Variants in MAGI1 observed in about 807,000 individuals in gnomAD.
MAGI1 encodes membrane-associated guanylate kinase, WW and PDZ domain-containing protein 1.
A neutral mutation model predicts 139.9 loss-of-function variants in MAGI1; 58 were observed. The observed-to-expected ratio is 0.41, with a 90% CI of 0.34 to 0.52. The LOEUF is 0.52. Among genes scored for constraint, MAGI1 ranks in the 20% least tolerant of loss-of-function variants. The probability of loss-of-function intolerance (pLI) is 0.12; values close to 1 mark genes in which losing one functional copy is unlikely to be tolerated. For missense variants in MAGI1, 1,874 were observed against 1,901.6 expected, an observed-to-expected ratio of 0.99 and a Z score of 0.27; for synonymous variants, 812 against 737.9, an observed-to-expected ratio of 1.10 and a Z score of -1.63.
intron 3 of MAGI1, among the ~76,000 whole-genome samples, chr3:65,483,800 G>A (rs935222837): frequency 1.3e-5 from 2 of 152,132 alleles, no homozygotes; most frequent in Admixed American, 1.3e-4. Flanking sequence ...AGCCACTGCT[G>A]GCCTTAATTA....
intron 12 of MAGI1, among the ~76,000 whole-genome samples, chr3:65,427,986 T>TA (rs750434312): frequency 7.9e-5 from 12 of 152,040 alleles, no homozygotes; most frequent in Non-Finnish European, 1.6e-4. Flanking sequence ...AATGACATTT[T>TA]AAAAAAAATA....
intron 1 of MAGI1, among the ~76,000 whole-genome samples, chr3:65,855,321 T>C (rs1040233137): frequency 1.3e-5 from 2 of 151,814 alleles, no homozygotes; most frequent in South Asian, 4.2e-4. Context: ...GGCTCACACC[T>C]GTAATCCCAA....
intron 12 of MAGI1, among the ~76,000 whole-genome samples, chr3:65,418,494 T>C (rs560015576): frequency 2.4e-4 from 36 of 152,196 alleles, no homozygotes; most frequent in Non-Finnish European, 5.0e-4. Flanking sequence ...TTCCATCTTC[T>C]GCACAGTTTA....
chr3:65,814,127 C>T (rs1210455444), intron 1 of MAGI1, among the ~76,000 whole-genome samples: 1 of 152,086 alleles, frequency 6.6e-6, no homozygotes, highest in Non-Finnish European at 1.5e-5. Flanking sequence ...ATCTAGTAAG[C>T]TTCAGAGGAG....
At chr3:65,450,955 T>C (rs1475360566) in intron 6 of MAGI1, among the ~76,000 whole-genome samples, 1 of 152,192 alleles carries the variant, frequency 6.6e-6, no homozygotes, top group African/African-American at 2.4e-5. Context: ...ATACTTACCA[T>C]AATCTGATTA....
intron 1 of MAGI1, among the ~76,000 whole-genome samples, chr3:65,827,604 G>A (rs1238372459): frequency 2.6e-5 from 4 of 152,092 alleles, no homozygotes; most frequent in African/African-American, 4.8e-5. Context: ...ACTTTGAAAC[G>A]CCTTGGACCT....
chr3:66,011,298 G>A (rs1191895857), intron 1 of MAGI1, among the ~76,000 whole-genome samples: 1 of 152,170 alleles, frequency 6.6e-6, no homozygotes, highest in East Asian at 1.9e-4. Context: ...CGTTGCAACA[G>A]TCCTAGAGCG....
At chr3:65,934,228 G>A (rs1018937570) in intron 1 of MAGI1, among the ~76,000 whole-genome samples, 5 of 151,300 alleles carry the variant, frequency 3.3e-5, no homozygotes, top group African/African-American at 9.7e-5. Context: ...TTAGGGTAAT[G>A]AACTGATTCT....
At chr3:65,810,017 C>A (rs1411077478) in intron 1 of MAGI1, among the ~76,000 whole-genome samples, 1 of 152,114 alleles carries the variant, frequency 6.6e-6, no homozygotes, top group Non-Finnish European at 1.5e-5. Context: ...CACACACAGA[C>A]ACACACTTCT....
chr3:65,548,969 G>T (rs900500132), intron 2 of MAGI1, among the ~76,000 whole-genome samples: 21 of 152,288 alleles, frequency 1.4e-4, no homozygotes, highest in African/African-American at 4.8e-4. Flanking sequence ...CAACCCACTG[G>T]AGCCAAAGTA....
intron 1 of MAGI1, among the ~76,000 whole-genome samples, chr3:65,784,227 G>C (rs2039192366): frequency 1.3e-5 from 2 of 152,184 alleles, no homozygotes; most frequent in Admixed American, 6.5e-5. Context: ...TTGGAAAACA[G>C]TCTGGGAGTT....
At chr3:65,545,351 G>T (rs2079444521) in intron 2 of MAGI1, among the ~76,000 whole-genome samples, 1 of 152,096 alleles carries the variant, frequency 6.6e-6, no homozygotes, top group Non-Finnish European at 1.5e-5. Context: ...GTGTATATAT[G>T]ATATTAAAAA....
chr3:66,009,338 CG>C (rs1560106908), intron 1 of MAGI1: 1 of 152,000 alleles, frequency 6.6e-6, no homozygotes, highest in African/African-American at 2.4e-5. Context: ...AGAGAAACCC[CG>C]TCTCCACTAA....
intron 2 of MAGI1, among the ~76,000 whole-genome samples, chr3:65,583,391 G>C (rs945080773): frequency 2.0e-5 from 3 of 152,142 alleles, no homozygotes; most frequent in Non-Finnish European, 2.9e-5. Flanking sequence ...CAGTGGGAGA[G>C]GGCTGCTAAC....
intron 1 of MAGI1, among the ~76,000 whole-genome samples, chr3:65,865,304 C>CA (rs924760998): frequency 7.9e-5 from 12 of 151,202 alleles, no homozygotes; most frequent in African/African-American, 2.2e-4. Context: ...TGTTAAACTT[C>CA]AAAAAAAAAG....
intron 1 of MAGI1, among the ~76,000 whole-genome samples, chr3:65,962,962 CA>C (rs2064523014): frequency 7.8e-6 from 1 of 129,020 alleles, no homozygotes; most frequent in African/African-American, 2.9e-5. Flanking sequence ...AAAGTTAAAA[CA>C]AGATGAGTTT....
chr3:65,722,862 G>A (rs1374117323), intron 1 of MAGI1, among the ~76,000 whole-genome samples: 3 of 151,314 alleles, frequency 2.0e-5, no homozygotes, highest in Non-Finnish European at 4.4e-5. Flanking sequence ...AGCCACTTCT[G>A]TTTCTAACGG....
chr3:65,525,607 G>C (rs1469695357), intron 2 of MAGI1, among the ~76,000 whole-genome samples: 1 of 152,058 alleles, frequency 6.6e-6, no homozygotes, highest in East Asian at 1.9e-4. Flanking sequence ...GCTCTGGTCT[G>C]GAATAAGCAC....
At chr3:65,716,759 A>G (rs1302451606) in intron 1 of MAGI1, among the ~76,000 whole-genome samples, 4 of 152,224 alleles carry the variant, frequency 2.6e-5, no homozygotes, top group African/African-American at 9.6e-5. Context: ...AGGACCCATC[A>G]CTGACCAGGC....
Sources: allele counts gnomAD v4.1 joint callset (sites outside exome capture counted in the v4.1 genomes callset), GRCh38; gene constraint gnomAD v4.1.1; transcripts MANE v1.5; gene names NCBI Gene and HGNC (gene_info 2026-07-23, HGNC 2026-07-21).